Variants in MAN1C1 observed in about 807,000 individuals in gnomAD.
The protein encoded by MAN1C1 is mannosyl-oligosaccharide 1,2-alpha-mannosidase IC.
Under a neutral mutation model 71.5 loss-of-function variants are expected in MAN1C1, and 49 were observed. That is an observed-to-expected ratio of 0.69 (90% CI 0.54 to 0.87). The LOEUF (loss-of-function observed/expected upper bound fraction) is 0.87. MAN1C1 is among the 40% of genes least tolerant of loss of function. The probability of loss-of-function intolerance (pLI) is 0.00; values close to 1 mark genes in which losing one functional copy is unlikely to be tolerated. For synonymous variants in MAN1C1, 352 were observed against 343.7 expected, an observed-to-expected ratio of 1.02 and a Z score of -0.27; for missense variants, 743 against 835.0, an observed-to-expected ratio of 0.89 and a Z score of 1.36.
intron 2 of MAN1C1, among the ~76,000 whole-genome samples, chr1:25,745,586 C>G (rs1234806165): frequency 6.6e-6 from 1 of 152,192 alleles, no homozygotes; most frequent in African/African-American, 2.4e-5. Context: ...TAAATAGGCA[C>G]AGGTCGACCT....
At chr1:25,739,543 T>C (rs1376076540) in intron 2 of MAN1C1, among the ~76,000 whole-genome samples, 2 of 152,156 alleles carry the variant, frequency 1.3e-5, no homozygotes, top group Non-Finnish European at 2.9e-5. Context: ...GCTAATATGA[T>C]ATCACATAAA....
At chr1:25,653,902 G>A (rs777757640) in intron 1 of MAN1C1, among the ~76,000 whole-genome samples, 9 of 152,276 alleles carry the variant, frequency 5.9e-5, no homozygotes, top group South Asian at 2.1e-4. Context: ...TTTTCGAGAC[G>A]TTTTTGGCTG....
intron 2 of MAN1C1, among the ~76,000 whole-genome samples, chr1:25,744,861 T>G (rs1331958639): frequency 6.6e-6 from 1 of 152,196 alleles, no homozygotes; most frequent in Non-Finnish European, 1.5e-5. Context: ...CTCCAGAGTT[T>G]CCACTGCGGA....
intron 5 of MAN1C1, among the ~76,000 whole-genome samples, chr1:25,755,507 C>CA (rs1353157088): frequency 6.6e-6 from 1 of 152,232 alleles, no homozygotes; most frequent in East Asian, 1.9e-4. Context: ...CCGCCACACA[C>CA]AAATAGACAT....
chr1:25,668,559 CTTT>C (rs1553184749), intron 1 of MAN1C1, among the ~76,000 whole-genome samples: 2 of 141,528 alleles, frequency 1.4e-5, no homozygotes, highest in Non-Finnish European at 3.1e-5. Context: ...TTCTTTCTTT[CTTT>C]TTTTTTTTTT....
chr1:25,705,254 T>C (rs1335665791), intron 2 of MAN1C1, among the ~76,000 whole-genome samples: 2 of 152,202 alleles, frequency 1.3e-5, no homozygotes, highest in Non-Finnish European at 2.9e-5. Flanking sequence ...TATAAATCTG[T>C]ATTTTGAAAA....
intron 8 of MAN1C1, among the ~76,000 whole-genome samples, chr1:25,774,598 G>A (rs949229091): frequency 1.3e-5 from 2 of 152,162 alleles, no homozygotes; most frequent in Admixed American, 6.5e-5. Flanking sequence ...GCCAGGCTTC[G>A]AATATCCTCT....
At chr1:25,642,873 G>A (rs915643615) in intron 1 of MAN1C1, among the ~76,000 whole-genome samples, 6 of 152,152 alleles carry the variant, frequency 3.9e-5, no homozygotes, top group African/African-American at 1.4e-4. Flanking sequence ...TGTAGCTGTG[G>A]TTTCCTGGAG....
intron 8 of MAN1C1, 103 bp downstream of exon 8, chr1:25,771,875 A>G: frequency 2.5e-6 from 2 of 801,794 alleles, no homozygotes; most frequent in Middle Eastern, 3.0e-4. Flanking sequence ...ATGGGCCGAG[A>G]CTTGCTCCCA....
intron 2 of MAN1C1, among the ~76,000 whole-genome samples, chr1:25,726,005 G>C (rs866437344): frequency 6.6e-6 from 1 of 152,208 alleles, no homozygotes; most frequent in African/African-American, 2.4e-5. Flanking sequence ...GATCACAAAG[G>C]GCCATTTACA....
intron 2 of MAN1C1, among the ~76,000 whole-genome samples, chr1:25,715,928 T>C (rs1050075561): frequency 6.6e-6 from 1 of 152,220 alleles, no homozygotes; most frequent in Non-Finnish European, 1.5e-5. Flanking sequence ...GACCCCACCA[T>C]CGTCAGGGAC....
chr1:25,645,850 G>T (rs777344110), intron 1 of MAN1C1: 2 of 152,266 alleles, frequency 1.3e-5, no homozygotes, highest in Non-Finnish European at 2.9e-5. Context: ...TTTGAAGACA[G>T]CTCCTCAGCT....
chr1:25,620,848 T>A (rs1412022942), intron 1 of MAN1C1, among the ~76,000 whole-genome samples: 1 of 152,234 alleles, frequency 6.6e-6, no homozygotes, highest in Admixed American at 6.5e-5. Context: ...ATGGACATGG[T>A]CACCAGGTCT....
Position 25,783,811 on chromosome 1 carries a change from T to C in MAN1C1, c.*22T>C. On this transcript the variant is annotated 3_prime_UTR_variant, in exon 12 of 12. Transcript: ENST00000374332. ...CTGACCCCATCTCCTGCCGCCGCCC[T>C]GGGGCCGCCGCAGGGATGCCTTGCC... is the stretch of plus-strand genomic sequence containing the variant. 6.2e-7 allele frequency: 1 copy of C among 1,604,536 alleles called. No individual in the cohort carries two copies. The highest frequency in any genetic ancestry group is 8.5e-7 in the Non-Finnish European group (1 of 1,178,254).
At chr1:25,653,583 GT>G (rs1490098883) in intron 1 of MAN1C1, among the ~76,000 whole-genome samples, 6 of 152,170 alleles carry the variant, frequency 3.9e-5, no homozygotes, top group African/African-American at 1.4e-4. Flanking sequence ...TTTTCTGAAT[GT>G]TCTCGGACCT....
intron 6 of MAN1C1, among the ~76,000 whole-genome samples, chr1:25,763,263 C>CT (rs2047383808): frequency 6.6e-6 from 1 of 150,698 alleles, no homozygotes; most frequent in African/African-American, 2.4e-5. Flanking sequence ...TTGAGACTGT[C>CT]TCAAAAAAAA....
intron 2 of MAN1C1, among the ~76,000 whole-genome samples, chr1:25,705,710 C>T (rs2046512192): frequency 6.6e-6 from 1 of 152,152 alleles, no homozygotes; most frequent in Non-Finnish European, 1.5e-5. Context: ...CTTTAGGAGG[C>T]CAAGGCAGGA....
intron 2 of MAN1C1, among the ~76,000 whole-genome samples, chr1:25,688,284 A>G (rs1039830760): frequency 6.6e-6 from 1 of 152,256 alleles, no homozygotes; most frequent in East Asian, 1.9e-4. Flanking sequence ...CCTAGAACAC[A>G]GAACTTCCCC....
At chr1:25,726,094 T>G (rs2046827572) in intron 2 of MAN1C1, among the ~76,000 whole-genome samples, 1 of 152,244 alleles carries the variant, frequency 6.6e-6, no homozygotes, top group Admixed American at 6.5e-5. Context: ...GTAGCCCCTC[T>G]CCTGCAAGTC....
Sources: allele counts gnomAD v4.1 joint callset (sites outside exome capture counted in the v4.1 genomes callset), GRCh38; gene constraint gnomAD v4.1.1; transcripts MANE v1.5; gene names NCBI Gene and HGNC (gene_info 2026-07-23, HGNC 2026-07-21).